The following PMM2 variants were observed in gnomAD, a reference collection of about 807,000 sequenced individuals.
PMM2 encodes phosphomannomutase 2, also known as mannose-6-phosphate isomerase.
Under a neutral mutation model 33.2 loss-of-function variants are expected in PMM2, and 35 were observed. The observed-to-expected ratio is 1.06, with a 90% CI of 0.81 to 1.40. The LOEUF is 1.40. Among genes scored for constraint, PMM2 ranks in the 40% most tolerant of loss-of-function variants. The pLI is 0.00. For missense variants in PMM2, 386 were observed against 306.0 expected (o/e 1.26, Z -1.95); for synonymous variants, 153 against 114.7 (o/e 1.33, Z -2.13).
chr16:8,826,867 G>T (rs1029476476), intron 7 of PMM2, among the ~76,000 whole-genome samples: 1 of 151,866 alleles, frequency 6.6e-6, no homozygotes, highest in African/African-American at 2.4e-5. Context: ...TGGACTGTCT[G>T]ACTTGTCCTA....
intron 7 of PMM2, among the ~76,000 whole-genome samples, chr16:8,846,328 G>A (rs373323331): frequency 3.1e-4 from 47 of 152,168 alleles, no homozygotes; most frequent in South Asian, 2.3e-3. Context: ...CTTCATGCTC[G>A]GTGCTTTATG....
intron 2 of PMM2, among the ~76,000 whole-genome samples, chr16:8,803,690 A>T (rs549894922): frequency 2.6e-5 from 4 of 152,062 alleles, no homozygotes; most frequent in African/African-American, 7.2e-5. Flanking sequence ...AATTTATTTT[A>T]TTTATTTATT....
intron 2 of PMM2, chr16:8,802,360 A>G: frequency 2.2e-6 from 1 of 445,944 alleles, no homozygotes; most frequent in South Asian, 1.6e-5. Context: ...CTGACTTGAT[A>G]GGTCTGTGGA....
chr16:8,847,578 C>T (rs2060935607), intron 7 of PMM2, 146 bp from the exon 8 acceptor site: 1 of 693,964 alleles, frequency 1.4e-6, no homozygotes, highest in Middle Eastern at 2.5e-4. Flanking sequence ...CGTTCCTCTC[C>T]TGGAAACTAA....
chr16:8,847,227 C>G (rs1000266355), intron 7 of PMM2, among the ~76,000 whole-genome samples: 1 of 152,124 alleles, frequency 6.6e-6, no homozygotes, highest in Non-Finnish European at 1.5e-5. Context: ...GGCCACGTTT[C>G]AAGTGTGCAG....
rs368512236 is a variant in PMM2, at chr16:8,806,272, A to G, written c.256-44A>G. 558 of 1,301,190 alleles carry G rather than the reference A, an allele frequency of 4.3e-4. 8 individuals are homozygous for G. The highest frequency in any genetic ancestry group is 3.6e-3 in the South Asian group (307 of 84,770). The allele number at this position is 1,301,190 out of a possible 1,614,324, so 80.6% of individuals were successfully genotyped here. A position where few individuals can be genotyped will look rare whatever the true frequency, so the allele number is the denominator to read the frequency against. On this transcript the variant is annotated intron_variant, in intron 3 of 7. Transcript: ENST00000268261. ...GGTTTGCTATGAAGCTGTTTTGAAA[A>G]TGCTCCTGCTAAATCAAGTAACTCA...
intron 7 of PMM2, among the ~76,000 whole-genome samples, chr16:8,835,854 T>C (rs1489543221): frequency 4.6e-5 from 7 of 151,804 alleles, no homozygotes; most frequent in Non-Finnish European, 1.0e-4. Flanking sequence ...TAGAGGTATC[T>C]TATACTTGTG....
Position 8,804,908 on chromosome 16 carries a change from A to G in PMM2, c.255+65A>G, listed in dbSNP as rs370155848. ...AGTGTTTTCTAAAAGGGCATTTCAC[A>G]ATGAATGCCTCTAGGAAGATGAGGA... On this transcript the variant is annotated intron_variant, in intron 3 of 7. Coordinates refer to ENST00000268261, the MANE Select transcript of PMM2 (RefSeq NM_000303.3). 14 of 965,004 alleles carry G rather than the reference A, an allele frequency of 1.5e-5. No individual in the cohort carries two copies. In the African/African-American group the frequency reaches 2.1e-4, roughly 14 times the overall value. 59.8% of individuals were successfully genotyped at this position (965,004 alleles called of 1,614,324 possible).
chr16:8,832,604 C>T (rs894252817), intron 7 of PMM2: 3 of 985,430 alleles, frequency 3.0e-6, no homozygotes, highest in African/African-American at 1.7e-5. Flanking sequence ...GTAATGGCCT[C>T]TGTCCTCTTT....
intron 7 of PMM2, among the ~76,000 whole-genome samples, chr16:8,833,847 G>A (rs558566153): frequency 5.3e-5 from 8 of 152,276 alleles, no homozygotes; most frequent in Non-Finnish European, 1.2e-4. Context: ...GCATAGTCCT[G>A]CCAGCAAAGA....
intron 2 of PMM2, 126 bp downstream of exon 2, chr16:8,802,036 G>A (rs746280250): frequency 4.3e-6 from 3 of 698,132 alleles, no homozygotes; most frequent in African/African-American, 3.5e-5. Flanking sequence ...TCCTTTTTTG[G>A]GAAACATTTT....
chr16:8,797,936 C>T lies in PMM2; in HGVS notation c.54C>T (p.Thr18=). ...TCTTCGACGTGGATGGGACCCTCAC[C>T]GCCCCGCGGCAGGTAAGTGGCGGCC... The part of the protein sequence containing the change: ...LCLFDVDGTL[T]APRQKITKEM... Residue 18 remains threonine, a synonymous_variant, in exon 1 of 8, where the codon ACC becomes ACT. Coordinates refer to ENST00000268261, the MANE Select transcript of PMM2 (RefSeq NM_000303.3). 6.2e-7 allele frequency: 1 copy of T among 1,607,062 alleles called. No individual in the cohort carries two copies. Among genetic ancestry groups the T allele is most frequent in the Non-Finnish European group, 8.5e-7 (1 of 1,177,372 alleles).
intron 7 of PMM2, among the ~76,000 whole-genome samples, chr16:8,845,795 CTTTT>C (rs5815503): frequency 1.4e-5 from 2 of 140,016 alleles, no homozygotes; most frequent in African/African-American, 2.7e-5. Context: ...TGAAAGAAAT[CTTTT>C]TTTTTTTTTT....
chr16:8,836,439 A>G (rs886154038), intron 7 of PMM2, among the ~76,000 whole-genome samples: 5 of 152,004 alleles, frequency 3.3e-5, no homozygotes, highest in Non-Finnish European at 7.4e-5. Flanking sequence ...GGCTGTGGGC[A>G]TTCCTTGGCC....
rs539772957 is a variant in PMM2, at chr16:8,821,748, G to T, written c.639+8642G>T. Among the ~76,000 whole-genome samples the T allele has an allele frequency of 1.5e-4, 23 of 152,346 alleles. No individual in the cohort carries two copies. In the South Asian group the frequency reaches 3.1e-3, roughly 21 times the overall value. ...CACCCTCGCCCCCAAGCCAAGGGGT[G>T]TTTTTTCCTAGATTCTAAGTCACTG... is the stretch of plus-strand genomic sequence containing the variant. On this transcript the variant is annotated intron_variant, in intron 7 of 7. Transcript: ENST00000268261.
At chr16:8,804,079 C>T (rs1186315107) in intron 2 of PMM2, among the ~76,000 whole-genome samples, 1 of 134,046 alleles carries the variant, frequency 7.5e-6, no homozygotes, top group Admixed American at 8.2e-5. Flanking sequence ...TGCACCGTTG[C>T]CGAGGCTGGA....
At chr16:8,811,256 C>G in intron 5 of PMM2, 78 bp downstream of exon 5, 2 of 998,284 alleles carry the variant, frequency 2.0e-6, no homozygotes, top group East Asian at 5.2e-5. Context: ...TGGTTCATGC[C>G]TGTAATCCCA....
Position 8,804,787 on chromosome 16 carries a change from G to C in PMM2, c.199G>C (p.Val67Leu). 3 of 1,613,066 alleles carry C rather than the reference G, an allele frequency of 1.9e-6. No homozygotes were observed. The South Asian group carries it at 3.3e-5, about 18-fold the overall frequency. ...GNDVVEKYDY[V>L]FPENGLVAYK... ...TGTAGTGGTTGAAAAATACGATTATGTGTTTCCAGAAAATGGCTTGGTAGC... is the reference window on the plus strand; with the variant it reads ...TGTAGTGGTTGAAAAATACGATTATCTGTTTCCAGAAAATGGCTTGGTAGC... Residue 67 changes from valine to leucine, a missense_variant, in exon 3 of 8, where the codon GTG (valine) becomes CTG (leucine). Transcript: ENST00000268261.
chr16:8,846,848 C>T (rs2060928829), intron 7 of PMM2, among the ~76,000 whole-genome samples: 1 of 152,102 alleles, frequency 6.6e-6, no homozygotes, highest in African/African-American at 2.4e-5. Context: ...GCAGCTCAGA[C>T]CCCAGTCATG....
Sources: gnomAD v4.1 joint callset for allele counts (sites outside exome capture counted in the v4.1 genomes callset) on GRCh38, gnomAD v4.1.1 for gene constraint, MANE v1.5 for transcripts, NCBI Gene and HGNC (gene_info 2026-07-23, HGNC 2026-07-21) for gene names.